The following TRHR variants were observed in gnomAD, a reference collection of about 807,000 sequenced individuals.
TRHR encodes thyrotropin-releasing hormone receptor.
A neutral mutation model predicts 28.0 loss-of-function variants in TRHR; 14 were observed. The ratio of observed to expected loss-of-function variants is 0.50; its 90% CI spans 0.33 to 0.78. The LOEUF (loss-of-function observed/expected upper bound fraction) is 0.78, where lower values mean the gene tolerates loss of function less well. Ranked by LOEUF, TRHR falls within the 30% of genes least tolerant of loss-of-function variation. The pLI is 0.02. For synonymous variants in TRHR, 176 were observed against 171.9 expected, an observed-to-expected ratio of 1.02 and a Z score of -0.18; for missense variants, 438 against 469.5, an observed-to-expected ratio of 0.93 and a Z score of 0.62.
At chr8:109,099,763 G>A (rs1336797860) in intron 2 of TRHR, among the ~76,000 whole-genome samples, 1 of 152,268 alleles carries the variant, frequency 6.6e-6, no homozygotes, top group African/African-American at 2.4e-5. Context: ...AACAACACTG[G>A]TGACTTTTGG....
intron 2 of TRHR, among the ~76,000 whole-genome samples, chr8:109,112,907 C>T (rs1011865632): frequency 6.6e-6 from 1 of 152,036 alleles, no homozygotes; most frequent in Non-Finnish European, 1.5e-5. Flanking sequence ...ACTTGTCCTA[C>T]AAATTTCAGA....
intron 2 of TRHR, among the ~76,000 whole-genome samples, chr8:109,107,529 T>C (rs1811769730): frequency 6.6e-6 from 1 of 152,190 alleles, no homozygotes; most frequent in Non-Finnish European, 1.5e-5. Flanking sequence ...ACCCTGACCA[T>C]ATCATCCAAA....
chr8:109,107,458 T>A (rs1811767690), intron 2 of TRHR, among the ~76,000 whole-genome samples: 1 of 152,204 alleles, frequency 6.6e-6, no homozygotes, highest in South Asian at 2.1e-4. Context: ...TAGATTTAGA[T>A]TCCAGCGAGG....
intron 2 of TRHR, among the ~76,000 whole-genome samples, chr8:109,095,968 C>T (rs965582253): frequency 6.6e-6 from 1 of 152,116 alleles, no homozygotes; most frequent in African/African-American, 2.4e-5. Context: ...GCACACCTTA[C>T]CAGCCTCTCT....
chr8:109,111,772 G>A (rs1033672764), intron 2 of TRHR, among the ~76,000 whole-genome samples: 10 of 152,262 alleles, frequency 6.6e-5, no homozygotes, highest in African/African-American at 2.4e-4. Context: ...TACAGATGAA[G>A]TGAAGGTTTT....
intron 2 of TRHR, among the ~76,000 whole-genome samples, chr8:109,103,833 CTG>C (rs1175044426): frequency 6.6e-6 from 1 of 152,172 alleles, no homozygotes; most frequent in African/African-American, 2.4e-5. Flanking sequence ...ACCGGGCTCA[CTG>C]TTCCCATCAT....
intron 2 of TRHR, among the ~76,000 whole-genome samples, chr8:109,100,436 G>C (rs1374710517): frequency 6.6e-6 from 1 of 151,130 alleles, no homozygotes; most frequent in East Asian, 1.9e-4. Context: ...AATTAAGCAT[G>C]GTTTTTTTTT....
In TRHR at chr8:109,087,608, A is replaced by C. The variant is rs774657212; in HGVS notation, c.96A>C (p.Val32=). ...ACCAGGTGGTCACCATCTTACTTGT[A>C]CTCATTATTTGTGGCCTGGGCATTG... The part of the protein sequence containing the change: ...LEYQVVTILL[V]LIICGLGIVG... Residue 32 remains valine (V), a synonymous_variant, in exon 2 of 3, where the codon GTA becomes GTC. Coordinates refer to ENST00000518632, the MANE Select transcript of TRHR (RefSeq NM_003301.7). 1 of 1,613,996 alleles carries C rather than the reference A, an allele frequency of 6.2e-7. No homozygotes were observed.
rs1811977787 is a variant in TRHR, at chr8:109,119,747, T to C, written c.*292T>C. Among the ~76,000 whole-genome samples the C allele has an allele frequency of 6.6e-6, 1 of 151,944 alleles. No homozygotes were observed. Among genetic ancestry groups the C allele is most frequent in the Non-Finnish European group, 1.5e-5 (1 of 67,912 alleles). On this transcript the variant is annotated 3_prime_UTR_variant, in exon 3 of 3. Coordinates refer to ENST00000518632, the MANE Select transcript of TRHR (RefSeq NM_003301.7). Reference sequence around the variant, plus strand: ...AGAAATTCACTATATTTTCTGGACTTATAGAGTTTCAATAAAATCTAGACA... The same window carrying C: ...AGAAATTCACTATATTTTCTGGACTCATAGAGTTTCAATAAAATCTAGACA...
At chr8:109,102,393 C>T (rs1249406926) in intron 2 of TRHR, among the ~76,000 whole-genome samples, 1 of 152,128 alleles carries the variant, frequency 6.6e-6, no homozygotes, top group Non-Finnish European at 1.5e-5. Flanking sequence ...GGATAGGGCT[C>T]ATCCTTCTTT....
chr8:109,095,719 C>A (rs1184783988), intron 2 of TRHR, among the ~76,000 whole-genome samples: 1 of 152,146 alleles, frequency 6.6e-6, no homozygotes, highest in Non-Finnish European at 1.5e-5. Context: ...AGGTCTAAAG[C>A]AAAACACATT....
intron 2 of TRHR, among the ~76,000 whole-genome samples, chr8:109,095,896 C>T (rs1811581537): frequency 2.6e-5 from 4 of 151,670 alleles, no homozygotes; most frequent in South Asian, 2.1e-4. Flanking sequence ...CTCCTGCTGA[C>T]CTACTTCTCC....
Position 109,119,496 on chromosome 8 carries a change from A to G in TRHR, c.*41A>G. 1 of 1,604,092 alleles carries G rather than the reference A, an allele frequency of 6.2e-7. No individual in the cohort carries two copies. Among genetic ancestry groups the G allele is most frequent in the Non-Finnish European group, 8.5e-7 (1 of 1,176,264 alleles). On this transcript the variant is annotated 3_prime_UTR_variant, in exon 3 of 3. Transcript: ENST00000518632. Reference sequence around the variant, plus strand: ...AAAATGGATGACAAAGAAAATGAGAATCTGTGCAGTCATCAACAAAAGGGA... The same window carrying G: ...AAAATGGATGACAAAGAAAATGAGAGTCTGTGCAGTCATCAACAAAAGGGA...
At chr8:109,115,991 A>T (rs1239972137) in intron 2 of TRHR, among the ~76,000 whole-genome samples, 2 of 152,108 alleles carry the variant, frequency 1.3e-5, no homozygotes, top group Non-Finnish European at 2.9e-5. Flanking sequence ...TACCTAATTT[A>T]TTGAGAGTTT....
In TRHR at chr8:109,121,336, A is replaced by G. The variant is rs1444491974; in HGVS notation, c.*1881A>G. 1.3e-5 allele frequency among the ~76,000 whole-genome samples: 2 copies of G among 151,592 alleles called. No individual in the cohort carries two copies. The highest frequency in any genetic ancestry group is 3.0e-5 in the Non-Finnish European group (2 of 67,772). On this transcript the variant is annotated 3_prime_UTR_variant, in exon 3 of 3. Coordinates refer to ENST00000518632, the MANE Select transcript of TRHR (RefSeq NM_003301.7). The stretch of plus-strand genomic sequence containing the variant: ...TGTGTGTTTATAAACACATACCCAC[A>G]TGTTCATAAATTGGTGAAAAAGGGG...
intron 2 of TRHR, among the ~76,000 whole-genome samples, chr8:109,106,649 T>C (rs1362841229): frequency 1.3e-5 from 2 of 152,134 alleles, no homozygotes; most frequent in Admixed American, 6.6e-5. Flanking sequence ...GATAAAAATA[T>C]GTAATACATA....
At chr8:109,090,043 T>C (rs1386047443) in intron 2 of TRHR, among the ~76,000 whole-genome samples, 2 of 152,228 alleles carry the variant, frequency 1.3e-5, no homozygotes, top group East Asian at 3.8e-4. Context: ...AGAGGCTGTA[T>C]GATAGAAGAA....
intron 2 of TRHR, among the ~76,000 whole-genome samples, chr8:109,109,635 T>G (rs1244775814): frequency 2.6e-5 from 4 of 152,194 alleles, no homozygotes; most frequent in Non-Finnish European, 5.9e-5. Context: ...CACTGCATAG[T>G]TCCTGTCTCA....
chr8:109,105,916 G>T (rs762399023), intron 2 of TRHR, among the ~76,000 whole-genome samples: 1 of 152,070 alleles, frequency 6.6e-6, no homozygotes, highest in Admixed American at 6.6e-5. Context: ...GTAAAAGCTT[G>T]CTGACTCCTG....
Sources: allele counts gnomAD v4.1 joint callset (sites outside exome capture counted in the v4.1 genomes callset), GRCh38; gene constraint gnomAD v4.1.1; transcripts MANE v1.5; gene names NCBI Gene and HGNC (gene_info 2026-07-23, HGNC 2026-07-21).